Variants in ZNF479 observed in about 807,000 individuals in gnomAD.
The protein encoded by ZNF479 is zinc finger protein 479, also known as KRAB zinc finger protein KR19.
In ZNF479, 15 loss-of-function variants were observed where a neutral mutation model predicts 14.7. The observed-to-expected ratio is 1.02, with a 90% CI of 0.68 to 1.57. The LOEUF is 1.57. Ranked by LOEUF, ZNF479 falls within the 40% of genes most tolerant of loss-of-function variation. The pLI, the probability that ZNF479 is intolerant of heterozygous loss-of-function variation, is 0.00. For synonymous variants in ZNF479, 145 were observed against 211.5 expected (o/e 0.69, Z 2.73); for missense variants, 506 against 615.1 (o/e 0.82, Z 1.88).
intron 3 of ZNF479, among the ~76,000 whole-genome samples, chr7:57,122,807 G>A (rs1477166708): frequency 1.3e-5 from 2 of 152,012 alleles, no homozygotes; most frequent in Non-Finnish European, 2.9e-5. Context: ...ATGGTAAAAT[G>A]AGTCCATTTA....
At chr7:57,132,866 A>G (rs1488507241), upstream of ZNF479, among the ~76,000 whole-genome samples, 1 of 152,078 alleles carries the variant, frequency 6.6e-6, no homozygotes, top group Non-Finnish European at 1.5e-5. Context: ...GTCCGTGTGC[A>G]GTGGCTCACA....
rs192308912 is a variant in ZNF479, at chr7:57,128,304, T to C, written c.40-1586A>G. ...GAAGGTGCAGATAACTTCCCTGTTC[T>C]GTAATTTTTATCAGTAATTTTAAGT... is the stretch of plus-strand genomic sequence containing the variant. On this transcript the variant is annotated intron_variant, in intron 1 of 3. Coordinates refer to ENST00000319636, the MANE Select transcript of ZNF479 (RefSeq NM_001370129.2). Among the ~76,000 whole-genome samples the C allele has an allele frequency of 1.9e-4, 29 of 152,324 alleles. No individual in the cohort carries two copies. The East Asian group carries it at 5.0e-3, about 26-fold the overall frequency.
chr7:57,136,926 G>A (rs560934312), upstream of ZNF479, among the ~76,000 whole-genome samples: 93 of 152,012 alleles, frequency 6.1e-4, no homozygotes, highest in Non-Finnish European at 1.1e-3. Flanking sequence ...CTTAATTAAA[G>A]CTTATTGGTT....
Position 57,120,438 on chromosome 7 carries a change from C to A in ZNF479, c.977G>T (p.Arg326Met). 1 of 1,608,532 alleles carries A rather than the reference C, an allele frequency of 6.2e-7. No individual in the cohort carries two copies. The change falls in exon 4 of 4, where the codon AGG becomes ATG. Residue 326 changes from arginine (R) to methionine (M), a missense_variant. Transcript: ENST00000319636. Reference protein sequence around the residue: ...KRIHTGEKPCRCEECGKAFSW... With the variant: ...KRIHTGEKPCMCEECGKAFSW... ...AAAGGCTTTGCCACATTCCTCACACCTGCAGGGTTTCTCTCCAGTATGAAT... is the reference window on the plus strand; with the variant it reads ...AAAGGCTTTGCCACATTCCTCACACATGCAGGGTTTCTCTCCAGTATGAAT...
intron 1 of ZNF479, among the ~76,000 whole-genome samples, chr7:57,138,149 G>A (rs1786729364): frequency 6.6e-6 from 1 of 152,162 alleles, no homozygotes; most frequent in Non-Finnish European, 1.5e-5. Context: ...CTGCCCACAG[G>A]TGGGATGGTC....
upstream of ZNF479, among the ~76,000 whole-genome samples, chr7:57,134,999 C>G (rs1437421721): frequency 6.6e-6 from 1 of 151,972 alleles, no homozygotes; most frequent in Admixed American, 6.6e-5. Flanking sequence ...ATTTCTTGTA[C>G]GAGATCCAAG....
upstream of ZNF479, among the ~76,000 whole-genome samples, chr7:57,135,124 T>C (rs1177227142): frequency 6.6e-6 from 1 of 152,174 alleles, no homozygotes; most frequent in Non-Finnish European, 1.5e-5. Context: ...GAATTACCAA[T>C]TGGCTAACTT....
At position 57,117,694 on chromosome 7, in the gene ZNF479, T is replaced by G. The variant is rs1785747914; in HGVS notation, c.*2146A>C. Among the ~76,000 whole-genome samples, 1 of 152,288 alleles carries G rather than the reference T, an allele frequency of 6.6e-6. No homozygotes were observed. Among genetic ancestry groups the G allele is most frequent in the Admixed American group, 6.5e-5 (1 of 15,292 alleles). ...CATAATCTTTAAAAAATTTTTAAAT[T>G]TATTGCATTTTATTACATAAACGTA... is the stretch of plus-strand genomic sequence containing the variant. On this transcript the variant is annotated 3_prime_UTR_variant, in exon 4 of 4. Coordinates refer to ENST00000319636, the MANE Select transcript of ZNF479 (RefSeq NM_001370129.2).
chr7:57,137,357 G>C (rs541089161), upstream of ZNF479, among the ~76,000 whole-genome samples: 30 of 152,186 alleles, frequency 2.0e-4, no homozygotes, highest in African/African-American at 6.3e-4. Context: ...AAAGAGTGGG[G>C]TTTCACTATG....
chr7:57,133,428 C>G (rs1583948695), upstream of ZNF479, among the ~76,000 whole-genome samples: 2 of 151,986 alleles, frequency 1.3e-5, no homozygotes, highest in East Asian at 3.9e-4. Context: ...ATGACTCAGT[C>G]TGAGCTATTT....
Position 57,117,803 on chromosome 7 carries a change from C to T in ZNF479, c.*2037G>A, listed in dbSNP as rs1168657964. Among the ~76,000 whole-genome samples the T allele has an allele frequency of 5.3e-5, 8 of 152,246 alleles. No homozygotes were observed. The highest frequency in any genetic ancestry group is 4.1e-4 in the South Asian group (2 of 4,836). ...CAAACAATGGGAAGAGTCAACATGA[C>T]GGAATCTGAGACTTGAGTTACATTA... is the stretch of plus-strand genomic sequence containing the variant. On this transcript the variant is annotated 3_prime_UTR_variant, in exon 4 of 4. Coordinates refer to ENST00000319636, the MANE Select transcript of ZNF479 (RefSeq NM_001370129.2).
At chr7:57,127,830 TTTA>T (rs1230033536) in intron 1 of ZNF479, among the ~76,000 whole-genome samples, 1 of 151,684 alleles carries the variant, frequency 6.6e-6, no homozygotes, top group Non-Finnish European at 1.5e-5. Flanking sequence ...AGGACACATT[TTTA>T]TTATGTGCTG....
In ZNF479 at chr7:57,126,708, G is replaced by A; in HGVS notation, c.50C>T (p.Thr17Ile). The change falls in exon 2 of 4, where the codon ACA (threonine) becomes ATA (isoleucine). Residue 17 changes from threonine to isoleucine, a missense_variant. Coordinates refer to ENST00000319636, the MANE Select transcript of ZNF479 (RefSeq NM_001370129.2). The stretch of plus-strand genomic sequence containing the variant: ...GAATTCTATAGCTATGTCTCTGAAT[G>A]TCAACAGTCCCTGGAAAACAAACAA... ...PPGSREMGLL[T>I]FRDIAIEFSL... 8 of 1,614,000 alleles carry A rather than the reference G, an allele frequency of 5.0e-6. No individual in the cohort carries two copies. The highest frequency in any genetic ancestry group is 3.4e-6 in the Non-Finnish European group (4 of 1,179,952).
chr7:57,119,935 T>G lies in ZNF479; in HGVS notation c.1480A>C (p.Lys494Gln), dbSNP rs1263884591. 3 of 1,614,050 alleles carry G rather than the reference T, an allele frequency of 1.9e-6. No homozygotes were observed. The highest frequency in any genetic ancestry group is 2.5e-6 in the Non-Finnish European group (3 of 1,179,980). The change falls in exon 4 of 4, where the codon AAA becomes CAA. Residue 494 changes from lysine to glutamine, a missense_variant. This residue lies in a region of ZNF479 where 72 missense variants were observed against 97.6 expected (regional missense o/e 0.74). Coordinates refer to ENST00000319636, the MANE Select transcript of ZNF479 (RefSeq NM_001370129.2). ...KRIHTGEKPY[K>Q]CEECEQAFKW... ...AAAGCTTGCTCACATTCTTCACATT[T>G]GTAGGGTTTCTCTCCAGTATGAATT...
Position 57,119,501 on chromosome 7 carries a change from G to A in ZNF479, c.*339C>T, listed in dbSNP as rs1471597192. On this transcript the variant is annotated 3_prime_UTR_variant, in exon 4 of 4. Coordinates refer to ENST00000319636, the MANE Select transcript of ZNF479 (RefSeq NM_001370129.2). ...ACACGCCTGTAATCCCAGCTACTCAGGAGGCTGAGGCAGGAGAATCGCTTG... is the reference window on the plus strand; with the variant it reads ...ACACGCCTGTAATCCCAGCTACTCAAGAGGCTGAGGCAGGAGAATCGCTTG... 1 of 240,372 alleles carries A rather than the reference G, an allele frequency of 4.2e-6. No individual in the cohort carries two copies. The highest frequency in any genetic ancestry group is 2.3e-5 in the African/African-American group (1 of 42,934). 14.9% of individuals were successfully genotyped at this position (240,372 alleles called of 1,614,324 possible).
intron 1 of ZNF479, among the ~76,000 whole-genome samples, chr7:57,138,381 G>T (rs1786739994): frequency 6.6e-6 from 1 of 152,222 alleles, no homozygotes; most frequent in African/African-American, 2.4e-5. Flanking sequence ...AGGTAAAATT[G>T]TGAATCTTAT....
At position 57,119,534 on chromosome 7, in the gene ZNF479, A is replaced by G. The variant is rs550497514; in HGVS notation, c.*306T>C. 1.9e-3 allele frequency: 516 copies of G among 271,360 alleles called. 1 individual carries two copies. Among genetic ancestry groups the G allele is most frequent in the Admixed American group, 3.4e-3 (69 of 20,082 alleles). 16.8% of individuals were successfully genotyped at this position (271,360 alleles called of 1,614,324 possible). ...AGGCAGGAGAATCGCTTGAACCCGG[A>G]AGGCAGAGGTTACAGTGAGCTGAGA... On this transcript the variant is annotated 3_prime_UTR_variant, in exon 4 of 4. Transcript: ENST00000319636.
At position 57,119,557 on chromosome 7, in the gene ZNF479, A is replaced by C. The variant is rs1785808845; in HGVS notation, c.*283T>G. The C allele has an allele frequency of 5.9e-6, 2 of 336,864 alleles. No individual in the cohort carries two copies. The highest frequency in any genetic ancestry group is 4.3e-5 in the African/African-American group (2 of 46,274). The allele number at this position is 336,864 out of a possible 1,614,324, so 20.9% of individuals were successfully genotyped here. A position where few individuals can be genotyped will look rare whatever the true frequency, so the allele number is the denominator to read the frequency against. On this transcript the variant is annotated 3_prime_UTR_variant, in exon 4 of 4. Coordinates refer to ENST00000319636, the MANE Select transcript of ZNF479 (RefSeq NM_001370129.2). Reference sequence around the variant, plus strand: ...GGAAGGCAGAGGTTACAGTGAGCTGAGATCATGACACTGCACTCCAGCCTG... The same window carrying C: ...GGAAGGCAGAGGTTACAGTGAGCTGCGATCATGACACTGCACTCCAGCCTG...
intron 3 of ZNF479, 116 bp from the exon 4 acceptor site, chr7:57,121,268 C>T: frequency 2.4e-6 from 2 of 817,426 alleles, no homozygotes; most frequent in Non-Finnish European, 3.9e-6. Context: ...TATCAAAATA[C>T]CACAGGCCAT....
Sources: gnomAD v4.1 joint callset for allele counts (sites outside exome capture counted in the v4.1 genomes callset) on GRCh38, gnomAD v4.1.1 for gene constraint, gnomAD v4.1.1 regional missense constraint, MANE v1.5 for transcripts, NCBI Gene and HGNC (gene_info 2026-07-23, HGNC 2026-07-21) for gene names.